The following CECR2 variants were observed in gnomAD, a reference collection of about 807,000 sequenced individuals.
The protein encoded by CECR2 is CECR2 histone acetyl-lysine reader.
In CECR2, 30 loss-of-function variants were observed where a neutral mutation model predicts 154.5. The observed-to-expected ratio is 0.19, with a 90% CI of 0.15 to 0.26. The LOEUF is 0.26. Ranked by LOEUF, CECR2 falls within the 10% of genes least tolerant of loss-of-function variation. CECR2 has a pLI of 1.00. For synonymous variants in CECR2, 725 were observed against 683.7 expected (o/e 1.06, Z -0.94); for missense variants, 1,743 against 1,829.3 (o/e 0.95, Z 0.86).
chr22:17,414,042 C>G (rs774964048), intron 1 of CECR2, among the ~76,000 whole-genome samples: 28 of 140,084 alleles, frequency 2.0e-4, no homozygotes, highest in East Asian at 4.5e-4. Flanking sequence ...GTGCAATCTC[C>G]GCTCACTGCA....
chr22:17,496,995 G>A (rs1350662043), intron 2 of CECR2, among the ~76,000 whole-genome samples: 1 of 152,138 alleles, frequency 6.6e-6, no homozygotes, highest in Non-Finnish European at 1.5e-5. Context: ...TGCTTTCTGT[G>A]TAAAATTTGT....
intron 16 of CECR2, among the ~76,000 whole-genome samples, chr22:17,544,546 C>T (rs996472605): frequency 1.2e-4 from 18 of 145,026 alleles, no homozygotes; most frequent in African/African-American, 4.6e-4. Context: ...CGTGGTGGCT[C>T]ATGCCTGTAA....
At chr22:17,506,893 G>GATCC (rs2055857489) in intron 7 of CECR2, among the ~76,000 whole-genome samples, 1 of 152,152 alleles carries the variant, frequency 6.6e-6, no homozygotes, top group Non-Finnish European at 1.5e-5. Context: ...GGCCACAAGT[G>GATCC]ATCCACCCAC....
At chr22:17,425,100 C>T (rs2146616118) in intron 1 of CECR2, among the ~76,000 whole-genome samples, 1 of 152,244 alleles carries the variant, frequency 6.6e-6, no homozygotes, top group South Asian at 2.1e-4. Context: ...AAGAAAGTGT[C>T]TTGTGCTTGT....
At chr22:17,362,831 G>A (rs1410859992) in intron 1 of CECR2, among the ~76,000 whole-genome samples, 1 of 148,024 alleles carries the variant, frequency 6.8e-6, no homozygotes, top group Non-Finnish European at 1.5e-5. Flanking sequence ...GAACCTGGGA[G>A]GCAGAGGTTG....
intron 1 of CECR2, chr22:17,477,152 T>C (rs772489977): frequency 1.4e-5 from 10 of 723,200 alleles, no homozygotes; most frequent in Non-Finnish European, 2.6e-5. Context: ...GGTTTATCTC[T>C]TGAGAAGGTT....
chr22:17,520,242 G>A (rs1355372978), intron 8 of CECR2, among the ~76,000 whole-genome samples: 1 of 152,188 alleles, frequency 6.6e-6, no homozygotes, highest in East Asian at 1.9e-4. Flanking sequence ...GTCTTTTGTT[G>A]TGGGGGAGAG....
chr22:17,487,438 G>T (rs56360138), intron 2 of CECR2, among the ~76,000 whole-genome samples: 19 of 152,338 alleles, frequency 1.2e-4, no homozygotes, highest in African/African-American at 4.1e-4. Flanking sequence ...GGTGGCTCAT[G>T]CCTGTAATCC....
Position 17,421,607 on chromosome 22 carries a change from T to C in CECR2, c.126+51698T>C, listed in dbSNP as rs1416142144. ...TCCAGCCTGGGCGACAGAGCGAGACTCCGTCTCAAAAAAAAAAAAAAAAAA... is the reference window on the plus strand; with the variant it reads ...TCCAGCCTGGGCGACAGAGCGAGACCCCGTCTCAAAAAAAAAAAAAAAAAA... On this transcript the variant is annotated intron_variant, in intron 1 of 18. Transcript: ENST00000262608. Among the ~76,000 whole-genome samples, 20 of 66,608 alleles carry C rather than the reference T, an allele frequency of 3.0e-4. No individual in the cohort carries two copies. In the South Asian group the frequency reaches 0.013, roughly 43 times the overall value. The allele number at this position is 66,608 out of a possible 152,430, so 43.7% of individuals were successfully genotyped here.
intron 1 of CECR2, among the ~76,000 whole-genome samples, chr22:17,453,163 C>T (rs759284001): frequency 2.0e-5 from 3 of 152,118 alleles, no homozygotes; most frequent in Non-Finnish European, 2.9e-5. Context: ...ATGTATGGGC[C>T]GGTCACAGTG....
intron 1 of CECR2, among the ~76,000 whole-genome samples, chr22:17,407,253 C>T (rs1354128948): frequency 6.6e-6 from 1 of 152,164 alleles, no homozygotes; most frequent in Non-Finnish European, 1.5e-5. Flanking sequence ...TTGCATCATC[C>T]TAGTGAGATA....
At chr22:17,513,968 A>T (rs1185689372) in intron 8 of CECR2, among the ~76,000 whole-genome samples, 4 of 152,168 alleles carry the variant, frequency 2.6e-5, no homozygotes, top group African/African-American at 7.2e-5. Context: ...TCTACTCTTC[A>T]GTTCGAACAA....
At position 17,548,823 on chromosome 22, in the gene CECR2, C is replaced by G. The variant is rs368003991; in HGVS notation, c.3536C>G (p.Pro1179Arg). The change falls in exon 17 of 19, where the codon CCA (proline) becomes CGA (arginine). Residue 1179 changes from proline (P) to arginine (R), a missense_variant. Physicochemically the swap from Pro to Arg is moderately radical, Grantham distance 103. Coordinates refer to ENST00000262608, the MANE Select transcript of CECR2 (RefSeq NM_001290047.2). ...HSGGFPRYRPPQGMRYSYHPP... is the reference protein window; with the variant it reads ...HSGGFPRYRPRQGMRYSYHPP... ...GGAGGCTTTCCCCGGTATCGCCCCC[C>G]ACAAGGAATGAGGTATTCCTACCAC... is the stretch of plus-strand genomic sequence containing the variant. 2.6e-5 allele frequency: 42 copies of G among 1,613,824 alleles called. No homozygotes were observed. The highest frequency in any genetic ancestry group is 5.3e-5 in the African/African-American group (4 of 75,034).
chr22:17,504,568 C>A (rs1250716771), intron 6 of CECR2, among the ~76,000 whole-genome samples: 7 of 151,868 alleles, frequency 4.6e-5, no homozygotes, highest in Admixed American at 4.6e-4. Flanking sequence ...TCCCGAGTAG[C>A]TAGGATCACA....
chr22:17,395,644 C>G (rs1300112763), intron 1 of CECR2, among the ~76,000 whole-genome samples: 1 of 152,172 alleles, frequency 6.6e-6, no homozygotes, highest in African/African-American at 2.4e-5. Context: ...CCGTGCCCAG[C>G]TGACATTTGA....
chr22:17,512,305 G>T (rs752138324), intron 8 of CECR2, among the ~76,000 whole-genome samples: 11 of 152,030 alleles, frequency 7.2e-5, no homozygotes, highest in Non-Finnish European at 1.5e-4. Flanking sequence ...GAGAGGTGGG[G>T]CAGAAGGCAT....
Position 17,409,982 on chromosome 22 carries a change from A to T in CECR2, c.126+40073A>T, listed in dbSNP as rs1427954239. On this transcript the variant is annotated intron_variant, in intron 1 of 18. Coordinates refer to ENST00000262608, the MANE Select transcript of CECR2 (RefSeq NM_001290047.2). ...TTGCTGTCTATTTATTTATTTATTT[A>T]TTTATTTATTTATTTTTGAGACAGA... is the stretch of plus-strand genomic sequence containing the variant. Among the ~76,000 whole-genome samples, 2 of 98,756 alleles carry T rather than the reference A, an allele frequency of 2.0e-5. 1 individual carries two copies. The highest frequency in any genetic ancestry group is 6.9e-5 in the African/African-American group (2 of 29,034). The allele number at this position is 98,756 out of a possible 152,430, so 64.8% of individuals were successfully genotyped here.
intron 1 of CECR2, among the ~76,000 whole-genome samples, chr22:17,438,756 T>C (rs1034578485): frequency 1.1e-4 from 16 of 152,188 alleles, no homozygotes; most frequent in Admixed American, 9.2e-4. Flanking sequence ...TCATAAGGTA[T>C]GTCATTATTG....
chr22:17,414,765 A>G (rs913437129), intron 1 of CECR2, among the ~76,000 whole-genome samples: 2 of 151,392 alleles, frequency 1.3e-5, no homozygotes, highest in East Asian at 1.9e-4. Flanking sequence ...ACATTTTCAC[A>G]TGCTCTCTAG....
Sources: gnomAD v4.1 joint callset for allele counts (sites outside exome capture counted in the v4.1 genomes callset) on GRCh38, gnomAD v4.1.1 for gene constraint, MANE v1.5 for transcripts, NCBI Gene and HGNC (gene_info 2026-07-23, HGNC 2026-07-21) for gene names.